The following SLC24A2 variants were observed in gnomAD, a reference collection of about 807,000 sequenced individuals.
The protein encoded by SLC24A2 is sodium/potassium/calcium exchanger 2.
In SLC24A2, 36 loss-of-function variants were observed where a neutral mutation model predicts 62.0. That is an observed-to-expected ratio of 0.58 (90% confidence interval 0.44 to 0.77). SLC24A2 has a LOEUF of 0.77. SLC24A2 is among the 30% of genes least tolerant of loss of function. The pLI is 0.00. For synonymous variants in SLC24A2, 358 were observed against 294.0 expected (o/e 1.22, Z -2.23); for missense variants, 846 against 817.9 (o/e 1.03, Z -0.42).
chr9:20,174,812 G>C, the SLC24A2 span, among the ~76,000 whole-genome samples: 2 of 151,944 alleles, frequency 1.3e-5, no homozygotes, highest in Non-Finnish European at 2.9e-5. Context: ...AAGAACTAAA[G>C]GTAGAACTAC....
the SLC24A2 span, among the ~76,000 whole-genome samples, chr9:20,284,963 C>A: frequency 6.6e-6 from 1 of 152,128 alleles, no homozygotes; most frequent in African/African-American, 2.4e-5. Flanking sequence ...TTTTCTTATG[C>A]CTTTGCAATT....
the SLC24A2 span, among the ~76,000 whole-genome samples, chr9:20,269,718 G>A: frequency 6.6e-6 from 1 of 152,098 alleles, no homozygotes; most frequent in Non-Finnish European, 1.5e-5. Context: ...CCTTCTGGTA[G>A]TCATCTCTAT....
the SLC24A2 span, among the ~76,000 whole-genome samples, chr9:19,976,986 A>C: frequency 6.6e-6 from 1 of 152,252 alleles, no homozygotes; most frequent in African/African-American, 2.4e-5. Context: ...AGATCAGCAA[A>C]GTCCAACTAC....
At chr9:19,734,439 T>G (rs1821438914) in intron 2 of SLC24A2, among the ~76,000 whole-genome samples, 1 of 152,186 alleles carries the variant, frequency 6.6e-6, no homozygotes, top group Admixed American at 6.5e-5. Flanking sequence ...ATTGGTAGCT[T>G]GATGGGGATG....
intron 7 of SLC24A2, among the ~76,000 whole-genome samples, chr9:19,555,574 G>T (rs1366299513): frequency 2.6e-5 from 4 of 152,124 alleles, no homozygotes; most frequent in African/African-American, 9.7e-5. Context: ...TGTGAAAAAA[G>T]GTGAGGCAGG....
At chr9:19,520,307 C>T (rs1362073375) in intron 10 of SLC24A2, among the ~76,000 whole-genome samples, 3 of 151,942 alleles carry the variant, frequency 2.0e-5, no homozygotes, top group Non-Finnish European at 2.9e-5. Context: ...CACCTCTCCC[C>T]AGTCTGATTC....
the SLC24A2 span, among the ~76,000 whole-genome samples, chr9:20,144,949 A>G: frequency 6.6e-6 from 1 of 152,158 alleles, no homozygotes; most frequent in African/African-American, 2.4e-5. Flanking sequence ...GTCCTTCCAA[A>G]GAAGGATAAT....
intron 9 of SLC24A2, among the ~76,000 whole-genome samples, chr9:19,525,419 T>TTTA (rs869073500): frequency 5.1e-5 from 5 of 98,498 alleles, no homozygotes; most frequent in South Asian, 2.9e-4. Context: ...TTTTTTTTTT[T>TTTA]AAAAGACAGG....
At chr9:20,094,960 T>C in the SLC24A2 span, among the ~76,000 whole-genome samples, 1 of 152,192 alleles carries the variant, frequency 6.6e-6, no homozygotes, top group Non-Finnish European at 1.5e-5. Flanking sequence ...TTTTAAAATA[T>C]TAATAATTAT....
chr9:20,204,226 T>G, the SLC24A2 span, among the ~76,000 whole-genome samples: 3 of 152,180 alleles, frequency 2.0e-5, no homozygotes, highest in African/African-American at 7.2e-5. Context: ...CCTTGTACAG[T>G]TGAATTGCTG....
At chr9:20,167,850 T>C in the SLC24A2 span, among the ~76,000 whole-genome samples, 1 of 151,520 alleles carries the variant, frequency 6.6e-6, no homozygotes, top group Admixed American at 6.6e-5. Flanking sequence ...TTCCCAGGTA[T>C]CTGGGATTAC....
the SLC24A2 span, among the ~76,000 whole-genome samples, chr9:20,278,169 G>C: frequency 6.6e-6 from 1 of 152,006 alleles, no homozygotes; most frequent in Non-Finnish European, 1.5e-5. Flanking sequence ...CACCAACATG[G>C]CACATGTATA....
chr9:19,849,765 A>G, the SLC24A2 span, among the ~76,000 whole-genome samples: 1 of 152,178 alleles, frequency 6.6e-6, no homozygotes, highest in East Asian at 1.9e-4. Context: ...CTCTGAGAAG[A>G]CATAAATATA....
At chr9:20,045,284 C>T in the SLC24A2 span, among the ~76,000 whole-genome samples, 1 of 152,110 alleles carries the variant, frequency 6.6e-6, no homozygotes, top group Non-Finnish European at 1.5e-5. Context: ...AAAAGAAGCA[C>T]AGATTTCTCA....
At chr9:20,159,590 T>TATGCTC in the SLC24A2 span, among the ~76,000 whole-genome samples, 1 of 151,586 alleles carries the variant, frequency 6.6e-6, no homozygotes, top group Non-Finnish European at 1.5e-5. Context: ...AAGAATGTTA[T>TATGCTC]TCCCCAAAAG....
chr9:19,958,702 A>T, the SLC24A2 span, among the ~76,000 whole-genome samples: 1 of 152,240 alleles, frequency 6.6e-6, no homozygotes, highest in African/African-American at 2.4e-5. Flanking sequence ...TTGGAACATC[A>T]AATAGTCTTT....
chr9:19,771,686 T>C (rs1468929608), intron 2 of SLC24A2, among the ~76,000 whole-genome samples: 1 of 152,194 alleles, frequency 6.6e-6, no homozygotes, highest in African/African-American at 2.4e-5. Flanking sequence ...TTTGAACCAA[T>C]TGTGCATTTT....
chr9:19,550,809 G>GA (rs1834807767), intron 7 of SLC24A2, among the ~76,000 whole-genome samples: 1 of 151,544 alleles, frequency 6.6e-6, no homozygotes, highest in Non-Finnish European at 1.5e-5. Context: ...ACTGGCCTTG[G>GA]AATAGCTAAG....
intron 7 of SLC24A2, among the ~76,000 whole-genome samples, chr9:19,556,331 G>A (rs1221222959): frequency 2.0e-5 from 3 of 152,190 alleles, no homozygotes; most frequent in South Asian, 4.1e-4. Flanking sequence ...CCAGTTCAGA[G>A]GTTGCCTCAG....
Sources: allele counts gnomAD v4.1 joint callset (sites outside exome capture counted in the v4.1 genomes callset), GRCh38; gene constraint gnomAD v4.1.1; transcripts MANE v1.5; gene names NCBI Gene and HGNC (gene_info 2026-07-23, HGNC 2026-07-21).